Variants in CRADD observed in about 807,000 individuals in gnomAD.
CRADD encodes the protein CARD and death domain containing adaptor protein.
A neutral mutation model predicts 15.5 loss-of-function variants in CRADD; 9 were observed. The ratio of observed to expected loss-of-function variants is 0.58; its 90% confidence interval spans 0.35 to 1.01. The LOEUF (loss-of-function observed/expected upper bound fraction) is 1.01, where lower values mean the gene tolerates loss of function less well. Among genes scored for constraint, CRADD ranks in the 50% least tolerant of loss-of-function variants. The pLI is 0.02. For synonymous variants in CRADD, 118 were observed against 107.6 expected, an observed-to-expected ratio of 1.10 and a Z score of -0.60; for missense variants, 227 against 250.3, an observed-to-expected ratio of 0.91 and a Z score of 0.63.
chr12:93,683,962 C>T (rs1955377450), intron 2 of CRADD, among the ~76,000 whole-genome samples: 1 of 152,184 alleles, frequency 6.6e-6, no homozygotes, highest in Non-Finnish European at 1.5e-5. Context: ...CTAGTGGCGT[C>T]CTGTGTGCTA....
intron 2 of CRADD, among the ~76,000 whole-genome samples, chr12:93,704,563 A>G (rs1203260696): frequency 6.6e-6 from 1 of 152,142 alleles, no homozygotes; most frequent in African/African-American, 2.4e-5. Flanking sequence ...CCTTGCCTGG[A>G]TTACTGCAGT....
At chr12:93,789,985 A>G (rs1208333721) in intron 2 of CRADD, among the ~76,000 whole-genome samples, 1 of 152,154 alleles carries the variant, frequency 6.6e-6, no homozygotes, top group African/African-American at 2.4e-5. Flanking sequence ...TAAAGGTAGT[A>G]GTTGTGGTTT....
At chr12:93,700,576 G>A (rs868498775) in intron 2 of CRADD, among the ~76,000 whole-genome samples, 12 of 151,932 alleles carry the variant, frequency 7.9e-5, no homozygotes, top group African/African-American at 2.7e-4. Flanking sequence ...AACGACAGGC[G>A]CCCACCACCA....
intron 2 of CRADD, among the ~76,000 whole-genome samples, chr12:93,818,312 TG>T (rs1957730603): frequency 6.6e-6 from 1 of 152,204 alleles, no homozygotes; most frequent in African/African-American, 2.4e-5. Context: ...TTGAAGAAGA[TG>T]GGATACAAAA....
At chr12:93,708,073 A>G (rs1247435652) in intron 2 of CRADD, 2 of 152,222 alleles carry the variant, frequency 1.3e-5, no homozygotes, top group Non-Finnish European at 2.9e-5. Flanking sequence ...ACAGCTAGAA[A>G]AGATTCTAAG....
chr12:93,752,119 G>T (rs562582472), intron 2 of CRADD, among the ~76,000 whole-genome samples: 3 of 152,220 alleles, frequency 2.0e-5, no homozygotes, highest in Admixed American at 2.0e-4. Flanking sequence ...TGCTAAGGGC[G>T]CTATGACCAT....
At chr12:93,769,381 G>A (rs1437792402) in intron 2 of CRADD, among the ~76,000 whole-genome samples, 1 of 152,156 alleles carries the variant, frequency 6.6e-6, no homozygotes, top group African/African-American at 2.4e-5. Flanking sequence ...ACCACTCTTG[G>A]CCCACCATTC....
chr12:93,830,197 C>T (rs1957877669), intron 2 of CRADD, among the ~76,000 whole-genome samples: 1 of 152,172 alleles, frequency 6.6e-6, no homozygotes, highest in Non-Finnish European at 1.5e-5. Flanking sequence ...TTCGCTGTCA[C>T]TTATTTCAGG....
chr12:93,775,645 A>C (rs1405050033), intron 2 of CRADD, among the ~76,000 whole-genome samples: 1 of 152,174 alleles, frequency 6.6e-6, no homozygotes, highest in Non-Finnish European at 1.5e-5. Context: ...GGCTTGTCTG[A>C]CACCTGTCCT....
intron 2 of CRADD, chr12:93,893,915 A>G: frequency 1.6e-6 from 1 of 626,932 alleles, no homozygotes; most frequent in Non-Finnish European, 2.8e-6. Flanking sequence ...AGAAAAAAAA[A>G]AAAATAAGCA....
At chr12:93,778,602 C>T (rs959625427) in intron 2 of CRADD, among the ~76,000 whole-genome samples, 4 of 152,040 alleles carry the variant, frequency 2.6e-5, no homozygotes, top group African/African-American at 9.7e-5. Context: ...TCATTCAGTA[C>T]GTGAAGAATA....
At chr12:93,880,961 T>A (rs1405014423) in intron 2 of CRADD, among the ~76,000 whole-genome samples, 1 of 152,226 alleles carries the variant, frequency 6.6e-6, no homozygotes, top group Non-Finnish European at 1.5e-5. Flanking sequence ...CTAGGCAGCT[T>A]GTTTAGCCAC....
intron 2 of CRADD, among the ~76,000 whole-genome samples, chr12:93,842,439 A>AG (rs993719190): frequency 6.6e-6 from 1 of 152,010 alleles, no homozygotes; most frequent in Admixed American, 6.6e-5. Context: ...CTTGACTTGG[A>AG]GGGCTTTTTT....
intron 2 of CRADD, among the ~76,000 whole-genome samples, chr12:93,711,062 T>TTC (rs1476205802): frequency 2.5e-5 from 3 of 121,564 alleles, no homozygotes; most frequent in Admixed American, 1.7e-4. Context: ...CGCCTTTTTT[T>TTC]TTTTTTTTTT....
intron 2 of CRADD, among the ~76,000 whole-genome samples, chr12:93,861,390 G>A (rs1460531379): frequency 2.6e-5 from 4 of 152,252 alleles, no homozygotes; most frequent in Admixed American, 2.0e-4. Flanking sequence ...CCATAGTGAA[G>A]TGTGGTGGAG....
intron 2 of CRADD, among the ~76,000 whole-genome samples, chr12:93,789,762 T>C (rs551985656): frequency 3.9e-5 from 6 of 152,180 alleles, no homozygotes; most frequent in Admixed American, 2.6e-4. Flanking sequence ...CAAGTATACC[T>C]CAATAAAGTA....
At chr12:93,730,830 C>G (rs1002551561) in intron 2 of CRADD, among the ~76,000 whole-genome samples, 1 of 151,826 alleles carries the variant, frequency 6.6e-6, no homozygotes, top group Non-Finnish European at 1.5e-5. Context: ...ATTCTCCCAC[C>G]TCAGCCTCCC....
chr12:93,699,323 G>C (rs1305935512), intron 2 of CRADD, among the ~76,000 whole-genome samples: 1 of 152,130 alleles, frequency 6.6e-6, no homozygotes. Flanking sequence ...TTCTAAAATT[G>C]TACATAAGAG....
At position 93,738,190 on chromosome 12, in the gene CRADD, T is replaced by G. The variant is rs758611997; in HGVS notation, c.298+59118T>G. 1.1e-4 allele frequency: 64 copies of G among 607,760 alleles called. No homozygotes were observed. The South Asian group carries it at 1.3e-3, about 12-fold the overall frequency. 37.6% of individuals were successfully genotyped at this position (607,760 alleles called of 1,614,324 possible). A position where few individuals can be genotyped will look rare whatever the true frequency, so the allele number is the denominator to read the frequency against. ...TGGAACAAAACAACAGCGCTGCTCA[T>G]TTTTTGCAGGGTTAGAGGAAAAAGG... On this transcript the variant is annotated intron_variant, in intron 2 of 2. Transcript: ENST00000332896.
Sources: gnomAD v4.1 joint callset for allele counts (sites outside exome capture counted in the v4.1 genomes callset) on GRCh38, gnomAD v4.1.1 for gene constraint, MANE v1.5 for transcripts, NCBI Gene and HGNC (gene_info 2026-07-23, HGNC 2026-07-21) for gene names.